The following NSL1 variants were observed in gnomAD, a reference collection of about 807,000 sequenced individuals.
NSL1 encodes NSL1 component of MIS12 kinetochore complex.
Under a neutral mutation model 25.4 loss-of-function variants are expected in NSL1, and 11 were observed. The observed-to-expected ratio is 0.43, with a 90% CI of 0.27 to 0.72. NSL1 has a LOEUF of 0.72. NSL1 is among the 30% of genes least tolerant of loss of function. The pLI is 0.19. For missense variants in NSL1, 330 were observed against 342.7 expected, an observed-to-expected ratio of 0.96 and a Z score of 0.29; for synonymous variants, 118 against 120.6, an observed-to-expected ratio of 0.98 and a Z score of 0.14.
At position 212,737,872 on chromosome 1, in the gene NSL1, T is replaced by C; in HGVS notation, c.*536A>G. 6.1e-6 allele frequency: 6 copies of C among 985,342 alleles called. No individual in the cohort carries two copies. The highest frequency in any genetic ancestry group is 7.2e-6 in the Non-Finnish European group (6 of 829,900). The allele number at this position is 985,342 out of a possible 1,614,324, so 61.0% of individuals were successfully genotyped here. A position where few individuals can be genotyped will look rare whatever the true frequency, so the allele number is the denominator to read the frequency against. ...CTCACAAACCTAAATTAGCTGAACA[T>C]GGAGTAACAAAGTCAAAGCCAGTAT... On this transcript the variant is annotated 3_prime_UTR_variant, in exon 6 of 6. Transcript: ENST00000366977.
In NSL1 at chr1:212,775,832, T is replaced by TC. The variant is rs1660338635; in HGVS notation, c.499+6539_499+6540insG. On this transcript the variant is annotated intron_variant, in intron 4 of 5. Transcript: ENST00000366977. ...GTAGTAACCATAAATTGGTGGTTTT[T>TC]TTTTGTTTTTTTTGAGACGGAGTCT... Among the ~76,000 whole-genome samples the TC allele has an allele frequency of 4.1e-5, 6 of 145,292 alleles. No homozygotes were observed. In the South Asian group the frequency reaches 1.4e-3, roughly 33 times the overall value.
chr1:212,773,142 G>A (rs1256443382), intron 4 of NSL1, among the ~76,000 whole-genome samples: 9 of 152,068 alleles, frequency 5.9e-5, no homozygotes, highest in Non-Finnish European at 1.2e-4. Context: ...AAGATTTTAC[G>A]GCTAGGACCT....
chr1:212,780,961 G>A (rs1369617692), intron 4 of NSL1, among the ~76,000 whole-genome samples: 1 of 152,028 alleles, frequency 6.6e-6, no homozygotes, highest in African/African-American at 2.4e-5. Flanking sequence ...TCCAGAATTC[G>A]TCATTTTACT....
At chr1:212,787,754 G>T in intron 1 of NSL1, 117 bp from the exon 2 acceptor site, 1 of 585,076 alleles carries the variant, frequency 1.7e-6, no homozygotes, top group Non-Finnish European at 3.0e-6. Flanking sequence ...TAGCAGAATA[G>T]CTAATTAGTA....
Position 212,730,722 on chromosome 1 carries a change from G to T in NSL1, c.*7686C>A. Reference sequence around the variant, plus strand: ...CTGCTCTTATGTCCTGCAGGGATATGGGAATTAGACTTAGTTCTAGTAGAC... The same window carrying T: ...CTGCTCTTATGTCCTGCAGGGATATTGGAATTAGACTTAGTTCTAGTAGAC... On this transcript the variant is annotated 3_prime_UTR_variant, in exon 6 of 6. Transcript: ENST00000366977. The T allele has an allele frequency of 1.0e-6, 1 of 985,374 alleles. No individual in the cohort carries two copies. Among genetic ancestry groups the T allele is most frequent in the South Asian group, 4.7e-5 (1 of 21,292 alleles). The allele number at this position is 985,374 out of a possible 1,614,324, so 61.0% of individuals were successfully genotyped here. A position where few individuals can be genotyped will look rare whatever the true frequency, so the allele number is the denominator to read the frequency against.
intron 4 of NSL1, among the ~76,000 whole-genome samples, chr1:212,755,581 T>C (rs1659266011): frequency 6.7e-6 from 1 of 149,556 alleles, no homozygotes; most frequent in Admixed American, 6.6e-5. Context: ...TATGTAATAT[T>C]TATATAAACA....
chr1:212,765,450 T>C (rs925702324), intron 4 of NSL1, among the ~76,000 whole-genome samples: 4 of 152,156 alleles, frequency 2.6e-5, no homozygotes, highest in East Asian at 1.9e-4. Flanking sequence ...TCAATAAACA[T>C]GCTACATAAC....
intron 4 of NSL1, among the ~76,000 whole-genome samples, chr1:212,744,439 T>C (rs1404639721): frequency 6.6e-6 from 1 of 152,186 alleles, no homozygotes; most frequent in African/African-American, 2.4e-5. Context: ...TATTAAAATA[T>C]TTGAAATGTC....
Position 212,727,038 on chromosome 1 carries a change from G to T in NSL1, c.*11370C>A. 1 of 1,450,504 alleles carries T rather than the reference G, an allele frequency of 6.9e-7. No individual in the cohort carries two copies. The highest frequency in any genetic ancestry group is 9.3e-7 in the Non-Finnish European group (1 of 1,075,582). The allele number at this position is 1,450,504 out of a possible 1,614,324, so 89.9% of individuals were successfully genotyped here. On this transcript the variant is annotated 3_prime_UTR_variant, in exon 6 of 6. Transcript: ENST00000366977. Reference sequence around the variant, plus strand: ...GTCTACTCCGGCCTTGGAGATGACTGCCGAGAGAGGGAGGGCGGGCTCTGG... The same window carrying T: ...GTCTACTCCGGCCTTGGAGATGACTTCCGAGAGAGGGAGGGCGGGCTCTGG...
In NSL1 at chr1:212,745,160, CTATATATATATATATATATATATATATA is replaced by C. The variant is rs59293969; in HGVS notation, c.500-5587_500-5560del. On this transcript the variant is annotated intron_variant, in intron 4 of 5. Coordinates refer to ENST00000366977, the MANE Select transcript of NSL1 (RefSeq NM_015471.4). ...CAAAACAAACAAACAAACAAACAAA[CTATATATATATATATATATATATATATA>C]TATATATATATATATGCATATGCAT... Among the ~76,000 whole-genome samples, 19 of 117,704 alleles carry C rather than the reference CTATATATATATATATATATATATATATA, an allele frequency of 1.6e-4. 1 individual carries two copies. In the East Asian group the frequency reaches 2.1e-3, roughly 13 times the overall value. The allele number at this position is 117,704 out of a possible 152,430, so 77.2% of individuals were successfully genotyped here.
chr1:212,779,873 G>A (rs868227241), intron 4 of NSL1, among the ~76,000 whole-genome samples: 2 of 147,728 alleles, frequency 1.4e-5, no homozygotes, highest in Non-Finnish European at 3.0e-5. Flanking sequence ...CCGTCCGGGA[G>A]GGAGGTGGGG....
Position 212,729,846 on chromosome 1 carries a change from G to T in NSL1, c.*8562C>A. On this transcript the variant is annotated 3_prime_UTR_variant, in exon 6 of 6. Coordinates refer to ENST00000366977, the MANE Select transcript of NSL1 (RefSeq NM_015471.4). ...AGCTGGTGCTGCAAAGGGCAGTGATGTGTGGACGAAGGGGTTGCTGGGGTG... is the reference window on the plus strand; with the variant it reads ...AGCTGGTGCTGCAAAGGGCAGTGATTTGTGGACGAAGGGGTTGCTGGGGTG... The T allele has an allele frequency of 1.0e-6, 1 of 985,404 alleles. No homozygotes were observed. The allele number at this position is 985,404 out of a possible 1,614,324, so 61.0% of individuals were successfully genotyped here.
rs985035695 is a variant in NSL1, at chr1:212,736,046, T to C, written c.*2362A>G. 6 of 985,238 alleles carry C rather than the reference T, an allele frequency of 6.1e-6. No homozygotes were observed. The highest frequency in any genetic ancestry group is 7.2e-6 in the Non-Finnish European group (6 of 829,864). The allele number at this position is 985,238 out of a possible 1,614,324, so 61.0% of individuals were successfully genotyped here. On this transcript the variant is annotated 3_prime_UTR_variant, in exon 6 of 6. Coordinates refer to ENST00000366977, the MANE Select transcript of NSL1 (RefSeq NM_015471.4). ...ACTTAACCTTCTTGTGTTCTTCTTA[T>C]TATTATTTTGAAACAGGGTCTCACT...
intron 1 of NSL1, among the ~76,000 whole-genome samples, chr1:212,789,492 G>A (rs983542412): frequency 1.3e-5 from 2 of 152,218 alleles, no homozygotes; most frequent in African/African-American, 4.8e-5. Flanking sequence ...GATTACAGGC[G>A]TAAGCCATCG....
rs962069598 is a variant in NSL1, at chr1:212,727,385, A to G, written c.*11023T>C. On this transcript the variant is annotated 3_prime_UTR_variant, in exon 6 of 6. Coordinates refer to ENST00000366977, the MANE Select transcript of NSL1 (RefSeq NM_015471.4). The stretch of plus-strand genomic sequence containing the variant: ...GGAAGGTCACTTAACCAGGGAAATA[A>G]GTATCAGTCAAGTTAATGTTTCCAA... The G allele has an allele frequency of 1.0e-6, 1 of 985,282 alleles. No individual in the cohort carries two copies. Among genetic ancestry groups the G allele is most frequent in the Non-Finnish European group, 1.2e-6 (1 of 829,916 alleles). 61.0% of individuals were successfully genotyped at this position (985,282 alleles called of 1,614,324 possible). A position where few individuals can be genotyped will look rare whatever the true frequency, so the allele number is the denominator to read the frequency against.
rs764235978 is a variant in NSL1, at chr1:212,728,680, C to T, written c.*9728G>A. On this transcript the variant is annotated 3_prime_UTR_variant, in exon 6 of 6. Coordinates refer to ENST00000366977, the MANE Select transcript of NSL1 (RefSeq NM_015471.4). ...CAGGCTTATCTGCACATCACTTATA[C>T]CATTTGGTGAGATCTCTGGAGAATG... 7.1e-5 allele frequency: 70 copies of T among 985,338 alleles called. No homozygotes were observed. Among genetic ancestry groups the T allele is most frequent in the Non-Finnish European group, 8.3e-5 (69 of 829,942 alleles). The allele number at this position is 985,338 out of a possible 1,614,324, so 61.0% of individuals were successfully genotyped here.
At position 212,732,335 on chromosome 1, in the gene NSL1, G is replaced by C. The variant is rs12734229; in HGVS notation, c.*6073C>G. 1 of 876,640 alleles carries C rather than the reference G, an allele frequency of 1.1e-6. No individual in the cohort carries two copies. The highest frequency in any genetic ancestry group is 7.5e-5 in the Admixed American group (1 of 13,402). The allele number at this position is 876,640 out of a possible 1,614,324, so 54.3% of individuals were successfully genotyped here. A position where few individuals can be genotyped will look rare whatever the true frequency, so the allele number is the denominator to read the frequency against. On this transcript the variant is annotated 3_prime_UTR_variant, in exon 6 of 6. Transcript: ENST00000366977. Reference sequence around the variant, plus strand: ...ATAGTCCTTTTTTTTTTTTTGAGATGAAGTTTCGTTCTTGTTGCCCAGGCT... The same window carrying C: ...ATAGTCCTTTTTTTTTTTTTGAGATCAAGTTTCGTTCTTGTTGCCCAGGCT...
intron 4 of NSL1, among the ~76,000 whole-genome samples, chr1:212,776,746 A>G (rs920185502): frequency 4.8e-4 from 73 of 151,732 alleles, no homozygotes; most frequent in Middle Eastern, 3.2e-3. Context: ...AACAAAAAAA[A>G]CCAACAACAA....
At position 212,737,010 on chromosome 1, in the gene NSL1, T is replaced by C. The variant is rs535862122; in HGVS notation, c.*1398A>G. ...CAGAATTTTAATACTATAAAAACATTAGCACTGTAAAAACAGCAACATATT... is the reference window on the plus strand; with the variant it reads ...CAGAATTTTAATACTATAAAAACATCAGCACTGTAAAAACAGCAACATATT... On this transcript the variant is annotated 3_prime_UTR_variant, in exon 6 of 6. Transcript: ENST00000366977. 14 of 984,708 alleles carry C rather than the reference T, an allele frequency of 1.4e-5. No individual in the cohort carries two copies. The Admixed American group carries it at 8.6e-4, about 60-fold the overall frequency. The allele number at this position is 984,708 out of a possible 1,614,324, so 61.0% of individuals were successfully genotyped here.
Sources: allele counts gnomAD v4.1 joint callset (sites outside exome capture counted in the v4.1 genomes callset), GRCh38; gene constraint gnomAD v4.1.1; transcripts MANE v1.5; gene names NCBI Gene and HGNC (gene_info 2026-07-23, HGNC 2026-07-21).